The following TMEM97 variants were observed in gnomAD, a reference collection of about 807,000 sequenced individuals.
TMEM97 encodes sigma intracellular receptor 2.
TMEM97 carries 13 observed loss-of-function variants against 18.3 expected under a neutral mutation model. That is an observed-to-expected ratio of 0.71 (90% confidence interval 0.46 to 1.13). TMEM97 has a LOEUF of 1.13. TMEM97 is among the 50% of genes most tolerant of loss of function. The pLI is 0.00. For synonymous variants in TMEM97, 76 were observed against 85.3 expected (o/e 0.89, Z 0.60); for missense variants, 205 against 210.5 (o/e 0.97, Z 0.16).
chr17:28,326,197 A>G (rs1028019718), intron 2 of TMEM97, among the ~76,000 whole-genome samples: 1 of 152,164 alleles, frequency 6.6e-6, no homozygotes, highest in African/African-American at 2.4e-5. Context: ...CCTCTCACCT[A>G]TATATAATTA....
Position 28,328,620 on chromosome 17 carries a change from T to C in TMEM97, c.*1827T>C, listed in dbSNP as rs563673798. 3.2e-4 allele frequency: 470 copies of C among 1,467,412 alleles called. 1 individual carries two copies. The African/African-American group carries it at 6.1e-3, about 19-fold the overall frequency. 90.9% of individuals were successfully genotyped at this position (1,467,412 alleles called of 1,614,324 possible). The stretch of plus-strand genomic sequence containing the variant: ...GGTTTTGAGAGGCTTTTTTTTGTTT[T>C]GCCTTCCTACTATAAAAGCGAAATT... On this transcript the variant is annotated 3_prime_UTR_variant, in exon 3 of 3. Transcript: ENST00000226230.
chr17:28,323,789 T>C (rs532017724), intron 1 of TMEM97, among the ~76,000 whole-genome samples: 206 of 152,304 alleles, frequency 1.4e-3, no homozygotes, highest in African/African-American at 4.8e-3. Context: ...GAGGATCGCT[T>C]GTGCCCAGGA....
chr17:28,319,216 G>C lies in TMEM97; in HGVS notation c.-24G>C. On this transcript the variant is annotated 5_prime_UTR_variant, in exon 1 of 3. Coordinates refer to ENST00000226230, the MANE Select transcript of TMEM97 (RefSeq NM_014573.3). Reference sequence around the variant, plus strand: ...ATTTGGCCCCTCTTCTCACATCAGCGGGTCCAGGCCCAACCGACAGACTAT... The same window carrying C: ...ATTTGGCCCCTCTTCTCACATCAGCCGGTCCAGGCCCAACCGACAGACTAT... The C allele has an allele frequency of 6.3e-7, 1 of 1,575,762 alleles. No individual in the cohort carries two copies. The highest frequency in any genetic ancestry group is 1.7e-4 in the Middle Eastern group (1 of 5,882).
At position 28,326,723 on chromosome 17, in the gene TMEM97, C is replaced by T. The variant is rs1555575534; in HGVS notation, c.461C>T (p.Pro154Leu). ...GTCTATGCCCCCTACTTACTCATCCCATTCATACTTTTAATTTTCATGTTG... is the reference window on the plus strand; with the variant it reads ...GTCTATGCCCCCTACTTACTCATCCTATTCATACTTTTAATTTTCATGTTG... ...VSVYAPYLLI[P>L]FILLIFMLRS... is the part of the protein sequence containing the mutation. The change falls in exon 3 of 3, where the codon CCA (proline) becomes CTA (leucine). Residue 154 changes from proline (P) to leucine (L), a missense_variant. Pro to Leu is a moderately conservative substitution (Grantham distance 98). Coordinates refer to ENST00000226230, the MANE Select transcript of TMEM97 (RefSeq NM_014573.3). The T allele has an allele frequency of 6.2e-7, 1 of 1,614,028 alleles. No homozygotes were observed. The highest frequency in any genetic ancestry group is 1.1e-5 in the South Asian group (1 of 91,082).
In TMEM97 at chr17:28,326,980, T is replaced by TA; in HGVS notation, c.*189dup. 6 of 657,432 alleles carry TA rather than the reference T, an allele frequency of 9.1e-6. No homozygotes were observed. Among genetic ancestry groups the TA allele is most frequent in the Non-Finnish European group, 1.5e-5 (6 of 405,138 alleles). The allele number at this position is 657,432 out of a possible 1,614,324, so 40.7% of individuals were successfully genotyped here. ...CCTTCTTCCATTTTTTTTTTTTTTT[T>TA]AAGACAGTCTCACTCTGTTGCCCAG... On this transcript the variant is annotated 3_prime_UTR_variant, in exon 3 of 3. Transcript: ENST00000226230.
Position 28,326,520 on chromosome 17 carries a change from CCTGA to C in TMEM97, c.272-11_272-8del. The stretch of plus-strand genomic sequence containing the variant: ...ACAGACCTAACCATTTTTCTTTTCC[CCTGA>C]CTACCTCAGGAAGCTGCAAGTGGAT... On this transcript the variant is annotated splice_polypyrimidine_tract_variant and intron_variant, in intron 2 of 2. Transcript: ENST00000226230. The C allele has an allele frequency of 1.2e-6, 2 of 1,608,926 alleles. No homozygotes were observed. Among genetic ancestry groups the C allele is most frequent in the South Asian group, 2.2e-5 (2 of 90,684 alleles).
intron 1 of TMEM97, among the ~76,000 whole-genome samples, chr17:28,323,923 G>A (rs1484757129): frequency 1.3e-5 from 2 of 152,178 alleles, no homozygotes; most frequent in African/African-American, 4.8e-5. Flanking sequence ...ATCTGAGCCC[G>A]GGATGTTGAG....
rs1555575501 is a variant in TMEM97, at chr17:28,326,621, T to C, written c.359T>C (p.Phe120Ser). 1.9e-6 allele frequency: 3 copies of C among 1,614,208 alleles called. No homozygotes were observed. Among genetic ancestry groups the C allele is most frequent in the Non-Finnish European group, 8.5e-7 (1 of 1,180,036 alleles). Residue 120 changes from phenylalanine (F) to serine (S), a missense_variant, in exon 3 of 3, where the codon TTT (phenylalanine) becomes TCT (serine). Transcript: ENST00000226230. Reference protein sequence around the residue: ...TLIPILSTFLFEDFSKASGFK... With the variant: ...TLIPILSTFLSEDFSKASGFK... ...ATTCCGATACTCTCCACATTTCTGT[T>C]TGAGGATTTCTCCAAAGCCAGTGGT...
At chr17:28,319,619 G>A (rs1906066380) in intron 1 of TMEM97, 1 of 389,670 alleles carries the variant, frequency 2.6e-6, no homozygotes, top group Non-Finnish European at 4.5e-6. Context: ...TGGGTTTAAG[G>A]TTTCCCGCGA....
At chr17:28,320,151 T>C (rs1231216790) in intron 1 of TMEM97, among the ~76,000 whole-genome samples, 3 of 152,200 alleles carry the variant, frequency 2.0e-5, no homozygotes, top group African/African-American at 7.2e-5. Context: ...TTTCTCCATC[T>C]TATCTATAAC....
chr17:28,324,097 C>G (rs1402192203), intron 1 of TMEM97, among the ~76,000 whole-genome samples: 1 of 152,178 alleles, frequency 6.6e-6, no homozygotes, highest in Admixed American at 6.5e-5. Context: ...AAGAAAACAT[C>G]TAGTCCAAGT....
Position 28,328,123 on chromosome 17 carries a change from A to C in TMEM97, c.*1330A>C, listed in dbSNP as rs1404399624. On this transcript the variant is annotated 3_prime_UTR_variant, in exon 3 of 3. Transcript: ENST00000226230. Reference sequence around the variant, plus strand: ...TGATGTTAGACAACAGGTCCCAGTCAGTTCCCTCTATTTTCACCCATTTTG... The same window carrying C: ...TGATGTTAGACAACAGGTCCCAGTCCGTTCCCTCTATTTTCACCCATTTTG... 1.3e-5 allele frequency: 2 copies of C among 153,792 alleles called. No homozygotes were observed. Among genetic ancestry groups the C allele is most frequent in the African/African-American group, 4.8e-5 (2 of 41,452 alleles). The allele number at this position is 153,792 out of a possible 1,614,324, so 9.5% of individuals were successfully genotyped here.
intron 1 of TMEM97, among the ~76,000 whole-genome samples, chr17:28,320,459 C>T (rs983029419): frequency 3.3e-5 from 5 of 152,150 alleles, no homozygotes; most frequent in Non-Finnish European, 7.3e-5. Context: ...CCTCCTTTTG[C>T]ATGGGAAAAG....
chr17:28,326,765 A>G lies in TMEM97; in HGVS notation c.503A>G (p.Lys168Arg), dbSNP rs782208765. 3.1e-6 allele frequency: 5 copies of G among 1,612,902 alleles called. No individual in the cohort carries two copies. Among genetic ancestry groups the G allele is most frequent in the Non-Finnish European group, 2.5e-6 (3 of 1,179,858 alleles). The change falls in exon 3 of 3, where the codon AAG becomes AGG. Residue 168 changes from lysine to arginine, a missense_variant. Transcript: ENST00000226230. Reference protein sequence around the residue: ...LIFMLRSPYYKYEEKRKKK With the variant: ...LIFMLRSPYYRYEEKRKKK ...TTCATGTTGCGGAGCCCCTACTACAAGTATGAAGAGAAAAGAAAAAAAAAA... is the reference window on the plus strand; with the variant it reads ...TTCATGTTGCGGAGCCCCTACTACAGGTATGAAGAGAAAAGAAAAAAAAAA...
Position 28,326,717 on chromosome 17 carries a change from T to G in TMEM97, c.455T>G (p.Leu152Arg). The G allele has an allele frequency of 6.2e-7, 1 of 1,614,038 alleles. No homozygotes were observed. The change falls in exon 3 of 3, where the codon CTC becomes CGC. Residue 152 changes from leucine (L) to arginine (R), a missense_variant. By Grantham distance (102) the Leu-to-Arg change is moderately radical. Coordinates refer to ENST00000226230, the MANE Select transcript of TMEM97 (RefSeq NM_014573.3). ...TLVSVYAPYL[L>R]IPFILLIFML... is the part of the protein sequence containing the mutation. ...GTGTCTGTCTATGCCCCCTACTTAC[T>G]CATCCCATTCATACTTTTAATTTTC... is the stretch of plus-strand genomic sequence containing the variant.
chr17:28,325,184 T>TA (rs1376049381), intron 1 of TMEM97, among the ~76,000 whole-genome samples: 1 of 152,198 alleles, frequency 6.6e-6, no homozygotes. Context: ...GCCAGATACT[T>TA]ATTGTTGCTC....
At chr17:28,320,879 T>G (rs888103717) in intron 1 of TMEM97, among the ~76,000 whole-genome samples, 5 of 152,078 alleles carry the variant, frequency 3.3e-5, no homozygotes, top group Non-Finnish European at 5.9e-5. Flanking sequence ...GTAGTCAGAG[T>G]TCCCTCTGCT....
At chr17:28,324,362 T>G (rs1239032810) in intron 1 of TMEM97, among the ~76,000 whole-genome samples, 1 of 152,230 alleles carries the variant, frequency 6.6e-6, no homozygotes, top group Non-Finnish European at 1.5e-5. Flanking sequence ...TTTCTGGATG[T>G]TTGCTTAAAG....
In TMEM97 at chr17:28,321,158, T is replaced by C. The variant is rs139744432; in HGVS notation, c.126+1793T>C. Among the ~76,000 whole-genome samples the C allele has an allele frequency of 2.3e-4, 35 of 152,340 alleles. No homozygotes were observed. In the East Asian group the frequency reaches 6.4e-3, roughly 28 times the overall value. Reference sequence around the variant, plus strand: ...TTGCCCTGAAGAAAGGAAAATCTACTACAGTGTTGGCCTATCTGTGGTTTT... The same window carrying C: ...TTGCCCTGAAGAAAGGAAAATCTACCACAGTGTTGGCCTATCTGTGGTTTT... On this transcript the variant is annotated intron_variant, in intron 1 of 2. Transcript: ENST00000226230.
Sources: gnomAD v4.1 joint callset for allele counts (sites outside exome capture counted in the v4.1 genomes callset) on GRCh38, gnomAD v4.1.1 for gene constraint, MANE v1.5 for transcripts, NCBI Gene and HGNC (gene_info 2026-07-23, HGNC 2026-07-21) for gene names.